TNR: variants seen among roughly 807,000 people sequenced by gnomAD.
The protein encoded by TNR is tenascin-R.
In TNR, 45 loss-of-function variants were observed where a neutral mutation model predicts 150.4. That is an observed-to-expected ratio of 0.30 (90% CI 0.24 to 0.38). The LOEUF is 0.38. Among genes scored for constraint, TNR ranks in the 10% least tolerant of loss-of-function variants. The pLI is 1.00. For synonymous variants in TNR, 687 were observed against 678.4 expected (o/e 1.01, Z -0.20); for missense variants, 1,544 against 1,759.1 (o/e 0.88, Z 2.19).
At chr1:175,688,460 T>G (rs1192804023) in intron 1 of TNR, among the ~76,000 whole-genome samples, 2 of 152,234 alleles carry the variant, frequency 1.3e-5, no homozygotes, top group Non-Finnish European at 2.9e-5. Context: ...TGAACATTAG[T>G]TGAGCAAATG....
At chr1:175,610,255 C>T (rs911489455) in intron 1 of TNR, among the ~76,000 whole-genome samples, 3 of 152,104 alleles carry the variant, frequency 2.0e-5, no homozygotes, top group African/African-American at 7.2e-5. Flanking sequence ...AAGAAATAAC[C>T]CCCCTCTTTT....
intron 1 of TNR, among the ~76,000 whole-genome samples, chr1:175,737,935 G>A (rs571149378): frequency 6.6e-6 from 1 of 152,276 alleles, no homozygotes; most frequent in East Asian, 1.9e-4. Context: ...CTCCCCAAGG[G>A]TGAGGGCTGC....
At chr1:175,637,295 A>G (rs1571700338) in intron 1 of TNR, among the ~76,000 whole-genome samples, 1 of 152,242 alleles carries the variant, frequency 6.6e-6, no homozygotes, top group South Asian at 2.1e-4. Context: ...TGTCAGCTGT[A>G]CAGCCATTAC....
At chr1:175,379,065 G>A (rs749711732) in intron 9 of TNR, among the ~76,000 whole-genome samples, 1 of 151,918 alleles carries the variant, frequency 6.6e-6, no homozygotes, top group Non-Finnish European at 1.5e-5. Flanking sequence ...TGTAATCCTA[G>A]CTACTTGGGA....
intron 2 of TNR, among the ~76,000 whole-genome samples, chr1:175,525,231 G>A (rs1659804086): frequency 6.6e-6 from 1 of 152,154 alleles, no homozygotes; most frequent in African/African-American, 2.4e-5. Flanking sequence ...TGCCATGATT[G>A]TAAGTTTCCT....
chr1:175,327,625 A>G (rs1649477750), intron 21 of TNR, among the ~76,000 whole-genome samples: 2 of 151,984 alleles, frequency 1.3e-5, no homozygotes, highest in East Asian at 1.9e-4. Context: ...AATCTTCTCT[A>G]TTCCTCCTGA....
At chr1:175,413,493 G>A (rs1654303975) in intron 2 of TNR, among the ~76,000 whole-genome samples, 2 of 152,224 alleles carry the variant, frequency 1.3e-5, no homozygotes, top group Admixed American at 1.3e-4. Flanking sequence ...GTATGAGGCA[G>A]TGGGTAATGT....
chr1:175,512,886 A>C (rs943094438), intron 2 of TNR, among the ~76,000 whole-genome samples: 1 of 152,172 alleles, frequency 6.6e-6, no homozygotes, highest in Non-Finnish European at 1.5e-5. Flanking sequence ...AGCCAGCTCC[A>C]GTTGGTTTCT....
chr1:175,404,713 G>A (rs1653870071), intron 3 of TNR, among the ~76,000 whole-genome samples: 1 of 152,134 alleles, frequency 6.6e-6, no homozygotes, highest in African/African-American at 2.4e-5. Context: ...TGGAAGGCTG[G>A]CAAAAAGTTC....
chr1:175,450,508 G>A (rs1431027251), intron 2 of TNR, among the ~76,000 whole-genome samples: 4 of 152,190 alleles, frequency 2.6e-5, no homozygotes, highest in African/African-American at 7.2e-5. Flanking sequence ...CTCCCAAAGT[G>A]GCTTGTTAGA....
At chr1:175,449,124 G>A (rs1003654373) in intron 2 of TNR, among the ~76,000 whole-genome samples, 1 of 152,238 alleles carries the variant, frequency 6.6e-6, no homozygotes, top group Non-Finnish European at 1.5e-5. Flanking sequence ...CAATAGTAGA[G>A]ACCACTTGGA....
At chr1:175,469,299 T>A (rs1571484959) in intron 2 of TNR, among the ~76,000 whole-genome samples, 1 of 152,152 alleles carries the variant, frequency 6.6e-6, no homozygotes, top group East Asian at 1.9e-4. Flanking sequence ...GACATTCAAA[T>A]GGGAAATTAT....
At chr1:175,373,382 C>T (rs1366182953) in intron 9 of TNR, among the ~76,000 whole-genome samples, 1 of 152,154 alleles carries the variant, frequency 6.6e-6, no homozygotes, top group Non-Finnish European at 1.5e-5. Context: ...CAGATAGGCA[C>T]CAATCTACTT....
chr1:175,553,970 G>T (rs1405859898), intron 1 of TNR, among the ~76,000 whole-genome samples: 2 of 152,134 alleles, frequency 1.3e-5, no homozygotes, highest in Non-Finnish European at 2.9e-5. Context: ...ATGAACAACT[G>T]CAGTGAGCTG....
At chr1:175,653,587 C>T (rs1420886721) in intron 1 of TNR, among the ~76,000 whole-genome samples, 1 of 152,094 alleles carries the variant, frequency 6.6e-6, no homozygotes, top group Non-Finnish European at 1.5e-5. Flanking sequence ...CTGGTAGTAA[C>T]AAATTATGAT....
chr1:175,350,255 T>C (rs1437415972), intron 18 of TNR, among the ~76,000 whole-genome samples: 2 of 152,194 alleles, frequency 1.3e-5, no homozygotes. Context: ...TTATTATCCA[T>C]CTCTGGGTAC....
chr1:175,573,217 A>G (rs1196039300), intron 1 of TNR, among the ~76,000 whole-genome samples: 1 of 152,174 alleles, frequency 6.6e-6, no homozygotes, highest in African/African-American at 2.4e-5. Context: ...TCTGACTTTG[A>G]TTAAGGAAGA....
chr1:175,692,431 G>A (rs1215763439), intron 1 of TNR, among the ~76,000 whole-genome samples: 1 of 152,252 alleles, frequency 6.6e-6, no homozygotes, highest in Admixed American at 6.5e-5. Flanking sequence ...CGTGGCATCT[G>A]CCCTAGCGAT....
chr1:175,515,079 T>G (rs1435348322), intron 2 of TNR, among the ~76,000 whole-genome samples: 3 of 152,210 alleles, frequency 2.0e-5, no homozygotes, highest in Non-Finnish European at 2.9e-5. Context: ...AAAATAAACT[T>G]TTAAAATGCT....
Sources: gnomAD v4.1 joint callset for allele counts (sites outside exome capture counted in the v4.1 genomes callset) on GRCh38, gnomAD v4.1.1 for gene constraint, MANE v1.5 for transcripts, NCBI Gene and HGNC (gene_info 2026-07-23, HGNC 2026-07-21) for gene names.